Variants in MAML3 observed in about 807,000 individuals in gnomAD.
MAML3 encodes the protein mastermind like transcriptional coactivator 3, also known as mastermind-like protein 3.
In MAML3, 27 loss-of-function variants were observed where a neutral mutation model predicts 101.9. That is an observed-to-expected ratio of 0.27 (90% CI 0.20 to 0.37). MAML3 has a LOEUF of 0.37. Among genes scored for constraint, MAML3 ranks in the 10% least tolerant of loss-of-function variants. The probability of loss-of-function intolerance (pLI) is 1.00; values close to 1 mark genes in which losing one functional copy is unlikely to be tolerated. For synonymous variants in MAML3, 501 were observed against 555.9 expected, an observed-to-expected ratio of 0.90 and a Z score of 1.39; for missense variants, 1,316 against 1,444.9, an observed-to-expected ratio of 0.91 and a Z score of 1.45.
At chr4:139,744,097 C>T (rs1396923280) in intron 2 of MAML3, among the ~76,000 whole-genome samples, 4 of 152,286 alleles carry the variant, frequency 2.6e-5, no homozygotes, top group Admixed American at 2.6e-4. Context: ...GCACAAACAC[C>T]TTGGGTAGGA....
intron 1 of MAML3, among the ~76,000 whole-genome samples, chr4:140,074,151 A>C (rs1355828651): frequency 7.1e-6 from 1 of 141,466 alleles, no homozygotes; most frequent in Non-Finnish European, 1.5e-5. Flanking sequence ...AGAAAGAAAG[A>C]AAGAGAGAGA....
intron 1 of MAML3, among the ~76,000 whole-genome samples, chr4:140,012,450 T>C (rs575603604): frequency 6.6e-6 from 1 of 152,186 alleles, no homozygotes; most frequent in Non-Finnish European, 1.5e-5. Flanking sequence ...TCTTTCTTCC[T>C]CTTGCCTACA....
rs767651117 is a variant in MAML3, at chr4:139,889,445, C to T, written c.1991G>A (p.Ser664Asn). Residue 664 changes from serine (S) to asparagine (N), a missense_variant, in exon 2 of 5, where the codon AGC becomes AAC. Ser to Asn is a conservative substitution (Grantham distance 46). Transcript: ENST00000509479. ...PQLQAPRAHL[S>N]EDQKRLLLMK... is the part of the protein sequence containing the mutation. Reference sequence around the variant, plus strand: ...GAGAAGCAGGCGTTTCTGGTCTTCGCTCAGGTGTGCCCTGGGGGCCTGGAG... The same window carrying T: ...GAGAAGCAGGCGTTTCTGGTCTTCGTTCAGGTGTGCCCTGGGGGCCTGGAG... 3.7e-6 allele frequency: 6 copies of T among 1,614,024 alleles called. No individual in the cohort carries two copies. Among genetic ancestry groups the T allele is most frequent in the Non-Finnish European group, 5.1e-6 (6 of 1,179,902 alleles).
intron 2 of MAML3, among the ~76,000 whole-genome samples, chr4:139,786,008 T>G (rs1730298528): frequency 6.6e-6 from 1 of 152,060 alleles, no homozygotes; most frequent in Non-Finnish European, 1.5e-5. Context: ...GTGACTGTAT[T>G]TGGAGACAGG....
chr4:139,726,167 ACT>A (rs1342429762), intron 3 of MAML3, among the ~76,000 whole-genome samples: 2 of 152,224 alleles, frequency 1.3e-5, no homozygotes, highest in Non-Finnish European at 2.9e-5. Flanking sequence ...CTGCTTTTGT[ACT>A]TTGCAGAAAA....
rs1007115105 is a variant in MAML3, at chr4:139,790,469, C to T, written c.2080-59802G>A. 7.3e-5 allele frequency among the ~76,000 whole-genome samples: 11 copies of T among 151,456 alleles called. No homozygotes were observed. The South Asian group carries it at 1.3e-3, about 17-fold the overall frequency. ...TGGCATTAGTATATTCACGATGTTG[C>T]GCAACATCACCGCTATCCATTTCAG... On this transcript the variant is annotated intron_variant, in intron 2 of 4. Transcript: ENST00000509479.
At chr4:139,980,261 G>A (rs1734421773) in intron 1 of MAML3, among the ~76,000 whole-genome samples, 1 of 152,122 alleles carries the variant, frequency 6.6e-6, no homozygotes, top group African/African-American at 2.4e-5. Context: ...AGACAATAAA[G>A]ACTGGGTCCA....
intron 1 of MAML3, among the ~76,000 whole-genome samples, chr4:140,091,979 T>C (rs926605485): frequency 6.6e-6 from 1 of 151,634 alleles, no homozygotes; most frequent in Non-Finnish European, 1.5e-5. Flanking sequence ...CAAACGAGAC[T>C]ATACACTCCA....
intron 1 of MAML3, among the ~76,000 whole-genome samples, chr4:139,964,909 T>C (rs370400636): frequency 1.3e-5 from 2 of 152,146 alleles, no homozygotes; most frequent in East Asian, 3.9e-4. Flanking sequence ...CTTTGGTCAA[T>C]TTTGATGATG....
At chr4:140,052,573 T>C (rs1485181050) in intron 1 of MAML3, among the ~76,000 whole-genome samples, 2 of 151,516 alleles carry the variant, frequency 1.3e-5, no homozygotes, top group Non-Finnish European at 2.9e-5. Context: ...CTCACTTTAT[T>C]GCCCAAGCTG....
intron 1 of MAML3, among the ~76,000 whole-genome samples, chr4:140,137,558 C>T (rs1419853380): frequency 6.6e-6 from 1 of 152,140 alleles, no homozygotes; most frequent in African/African-American, 2.4e-5. Context: ...ATCATAAACA[C>T]ATATATTACA....
At chr4:139,732,406 T>A (rs958913749) in intron 2 of MAML3, among the ~76,000 whole-genome samples, 6 of 152,206 alleles carry the variant, frequency 3.9e-5, no homozygotes, top group Non-Finnish European at 8.8e-5. Context: ...GTTGCTCTTC[T>A]TCCCTCCAAA....
At chr4:139,843,479 T>C (rs1187854056) in intron 2 of MAML3, among the ~76,000 whole-genome samples, 1 of 152,192 alleles carries the variant, frequency 6.6e-6, no homozygotes, top group African/African-American at 2.4e-5. Context: ...CTTACACTAC[T>C]GACAGGTCTT....
intron 1 of MAML3, among the ~76,000 whole-genome samples, chr4:140,088,813 G>A (rs114283703): frequency 1.5e-4 from 23 of 152,314 alleles, no homozygotes; most frequent in African/African-American, 5.5e-4. Flanking sequence ...AGTTTTCTGT[G>A]TACTATTTCA....
At chr4:139,851,639 T>C (rs189502277) in intron 2 of MAML3, among the ~76,000 whole-genome samples, 1 of 152,216 alleles carries the variant, frequency 6.6e-6, no homozygotes, top group Non-Finnish European at 1.5e-5. Flanking sequence ...GATAGGCTGG[T>C]TGGGGGCATT....
chr4:139,773,198 G>A (rs890629075), intron 2 of MAML3, among the ~76,000 whole-genome samples: 4 of 151,934 alleles, frequency 2.6e-5, no homozygotes, highest in Non-Finnish European at 5.9e-5. Context: ...GAAACGTATT[G>A]GCTCACCATA....
chr4:139,779,130 A>G (rs749672421), intron 2 of MAML3, among the ~76,000 whole-genome samples: 1 of 152,220 alleles, frequency 6.6e-6, no homozygotes, highest in Non-Finnish European at 1.5e-5. Flanking sequence ...CCGTGCACAC[A>G]TACAATGGCT....
Position 140,145,508 on chromosome 4 carries a change from ACTTT to A in MAML3, c.468+7348_468+7351del, listed in dbSNP as rs530484576. On this transcript the variant is annotated intron_variant, in intron 1 of 4. Coordinates refer to ENST00000509479, the MANE Select transcript of MAML3 (RefSeq NM_018717.5). ...GTGCCTAAATTATTATTGAGGAATC[ACTTT>A]CTTTATGTCAGAGGAAGTACTGCAA... Among the ~76,000 whole-genome samples, 38 of 152,274 alleles carry A rather than the reference ACTTT, an allele frequency of 2.5e-4. No individual in the cohort carries two copies. In the South Asian group the frequency reaches 7.5e-3, roughly 30 times the overall value.
chr4:140,036,646 T>C (rs1478137110), intron 1 of MAML3, among the ~76,000 whole-genome samples: 1 of 152,180 alleles, frequency 6.6e-6, no homozygotes, highest in Non-Finnish European at 1.5e-5. Flanking sequence ...GCCTATTTTC[T>C]ACCTCAACCA....
Sources: gnomAD v4.1 joint callset for allele counts (sites outside exome capture counted in the v4.1 genomes callset) on GRCh38, gnomAD v4.1.1 for gene constraint, MANE v1.5 for transcripts, NCBI Gene and HGNC (gene_info 2026-07-23, HGNC 2026-07-21) for gene names.